The following ING5 variants were observed in gnomAD, a reference collection of about 807,000 sequenced individuals.
ING5 encodes the protein inhibitor of growth family member 5.
ING5 carries 17 observed loss-of-function variants against 37.4 expected under a neutral mutation model. That is an observed-to-expected ratio of 0.45 (90% CI 0.31 to 0.68). The LOEUF (loss-of-function observed/expected upper bound fraction) is 0.68, where lower values mean the gene tolerates loss of function less well. ING5 is among the 30% of genes least tolerant of loss of function. The probability of loss-of-function intolerance (pLI) is 0.05; values close to 1 mark genes in which losing one functional copy is unlikely to be tolerated. For synonymous variants in ING5, 123 were observed against 116.6 expected, an observed-to-expected ratio of 1.06 and a Z score of -0.36; for missense variants, 233 against 311.9, an observed-to-expected ratio of 0.75 and a Z score of 1.91.
At chr2:241,699,863 G>A (rs913556463), upstream of ING5, among the ~76,000 whole-genome samples, 35 of 152,304 alleles carry the variant, frequency 2.3e-4, no homozygotes, top group African/African-American at 7.9e-4. Context: ...GCTTGGGGGC[G>A]TCCAGTGGTG....
chr2:241,725,066 A>T lies in ING5; in HGVS notation c.*35A>T. 2 of 1,605,812 alleles carry T rather than the reference A, an allele frequency of 1.2e-6. No homozygotes were observed. Among genetic ancestry groups the T allele is most frequent in the South Asian group, 1.1e-5 (1 of 90,920 alleles). On this transcript the variant is annotated 3_prime_UTR_variant, in exon 8 of 8. Transcript: ENST00000313552. ...TGTGCCCGGATCCGAGGAGCAAGTT[A>T]ATCTGTCCCTTCATTCGTGTCGCAA... is the stretch of plus-strand genomic sequence containing the variant.
In ING5 at chr2:241,729,353, T is replaced by C. The variant is rs897269659; in HGVS notation, c.*4322T>C. On this transcript the variant is annotated 3_prime_UTR_variant, in exon 8 of 8. Coordinates refer to ENST00000313552, the MANE Select transcript of ING5 (RefSeq NM_032329.6). ...CAAGGAATTATTATCTATGTTCCCT[T>C]TGTAAAGGAAAGATAATGTTGTAAA... The C allele has an allele frequency of 1.3e-5, 2 of 152,664 alleles. No individual in the cohort carries two copies. The highest frequency in any genetic ancestry group is 4.8e-5 in the African/African-American group (2 of 41,458). The allele number at this position is 152,664 out of a possible 1,614,324, so 9.5% of individuals were successfully genotyped here. A position where few individuals can be genotyped will look rare whatever the true frequency, so the allele number is the denominator to read the frequency against.
At chr2:241,721,235 G>T in intron 5 of ING5, 1 of 985,598 alleles carries the variant, frequency 1.0e-6, no homozygotes, top group Non-Finnish European at 1.2e-6. Flanking sequence ...AGGAGGCTGA[G>T]ACGTAGACCC....
intron 5 of ING5, chr2:241,721,944 A>C: frequency 1.0e-6 from 1 of 985,856 alleles, no homozygotes; most frequent in Non-Finnish European, 1.2e-6. Context: ...GTAGAAACCC[A>C]CGTGGGAGCT....
At chr2:241,702,857 C>T (rs1244530265) in intron 1 of ING5, among the ~76,000 whole-genome samples, 1 of 152,262 alleles carries the variant, frequency 6.6e-6, no homozygotes, top group African/African-American at 2.4e-5. Flanking sequence ...TGACGTCGGC[C>T]CGGGATGGGC....
At chr2:241,721,076 T>C in intron 5 of ING5, 1 of 985,632 alleles carries the variant, frequency 1.0e-6, no homozygotes, top group Non-Finnish European at 1.2e-6. Context: ...TGGACAGAAT[T>C]GGACTCGGCG....
intron 2 of ING5, among the ~76,000 whole-genome samples, chr2:241,708,174 G>A (rs993377211): frequency 2.0e-5 from 3 of 151,834 alleles, no homozygotes; most frequent in African/African-American, 7.3e-5. Context: ...GGGATCACAG[G>A]CGTGAGCCGC....
At chr2:241,715,847 A>C (rs1441675094) in intron 5 of ING5, among the ~76,000 whole-genome samples, 1 of 150,902 alleles carries the variant, frequency 6.6e-6, no homozygotes, top group African/African-American at 2.4e-5. Flanking sequence ...TATGTGTCTC[A>C]ATTTCCAAAT....
At chr2:241,687,066 C>A, upstream of ING5, 1 of 401,172 alleles carries the variant, frequency 2.5e-6, no homozygotes, top group Non-Finnish European at 4.3e-6. Flanking sequence ...GCCCTTCGCT[C>A]CGGGAGGGGA....
At position 241,709,235 on chromosome 2, in the gene ING5, C is replaced by T. The variant is rs2070026052; in HGVS notation, c.129C>T (p.Asp43=). 4 of 1,611,880 alleles carry T rather than the reference C, an allele frequency of 2.5e-6. No homozygotes were observed. The highest frequency in any genetic ancestry group is 4.5e-5 in the East Asian group (2 of 44,828). The change falls in exon 3 of 8, where the codon GAC becomes GAT. Residue 43 remains aspartate, a synonymous_variant. Transcript: ENST00000313552. ...QRTEDKKAEI[D]ILAAEYISTV... is the part of the protein sequence containing the mutation. ...CATCAGATAAGAAAGCAGAGATTGACATCCTGGCTGCAGAGTACATCTCCA... is the reference window on the plus strand; with the variant it reads ...CATCAGATAAGAAAGCAGAGATTGATATCCTGGCTGCAGAGTACATCTCCA...
chr2:241,722,928 G>C lies in ING5; in HGVS notation c.483-11G>C. The C allele has an allele frequency of 1.2e-6, 2 of 1,613,562 alleles. No individual in the cohort carries two copies. Among genetic ancestry groups the C allele is most frequent in the Non-Finnish European group, 8.5e-7 (1 of 1,180,000 alleles). ...TGGCCTTCAGTGGTGCCTGTGCCCT[G>C]TCCCCTGCAGGTCTGAGTTCACTGA... On this transcript the variant is annotated splice_polypyrimidine_tract_variant and intron_variant, in intron 5 of 7. Coordinates refer to ENST00000313552, the MANE Select transcript of ING5 (RefSeq NM_032329.6).
chr2:241,721,814 C>G, intron 5 of ING5: 1 of 985,520 alleles, frequency 1.0e-6, no homozygotes. Context: ...CTAAGTGCAT[C>G]CCTTTCAAAC....
upstream of ING5, chr2:241,702,014 C>T (rs887207629): frequency 1.2e-4 from 153 of 1,312,226 alleles, no homozygotes; most frequent in Non-Finnish European, 1.4e-4. Flanking sequence ...CCGCCCCCGC[C>T]TCCCGCGGCA....
intron 1 of ING5, among the ~76,000 whole-genome samples, chr2:241,688,924 C>G (rs1165976452): frequency 1.3e-5 from 2 of 151,668 alleles, no homozygotes; most frequent in African/African-American, 4.8e-5. Flanking sequence ...TCAGCCTCCC[C>G]ACTAGCTGGG....
At position 241,702,070 on chromosome 2, in the gene ING5, C is replaced by T. The variant is rs914098587; in HGVS notation, c.5C>T (p.Ala2Val). The T allele has an allele frequency of 4.3e-6, 6 of 1,387,696 alleles. No homozygotes were observed. Among genetic ancestry groups the T allele is most frequent in the Admixed American group, 2.9e-5 (1 of 34,140 alleles). The allele number at this position is 1,387,696 out of a possible 1,614,324, so 86.0% of individuals were successfully genotyped here. A position where few individuals can be genotyped will look rare whatever the true frequency, so the allele number is the denominator to read the frequency against. ...CGAGCGCGGCCGCGGACGAAGATGGCGACCGCCATGTACTTGGAGCACTAT... is the reference window on the plus strand; with the variant it reads ...CGAGCGCGGCCGCGGACGAAGATGGTGACCGCCATGTACTTGGAGCACTAT... Reference protein sequence around the residue: MATAMYLEHYLD... With the variant: MVTAMYLEHYLD... Residue 2 changes from alanine (A) to valine (V), a missense_variant, in exon 1 of 8, where the codon GCG (alanine) becomes GTG (valine). Ala to Val is a moderately conservative substitution (Grantham distance 64). Transcript: ENST00000313552.
At chr2:241,709,921 T>TTTTATTTTATTTA (rs961511465) in intron 3 of ING5, among the ~76,000 whole-genome samples, 2 of 151,910 alleles carry the variant, frequency 1.3e-5, no homozygotes, top group Admixed American at 1.3e-4. Context: ...GGTGGCCATA[T>TTTTATTTTATTTA]TTTATTTTAT....
Position 241,725,042 on chromosome 2 carries a change from G to T in ING5, c.*11G>T. 6.2e-7 allele frequency: 1 copy of T among 1,613,922 alleles called. No individual in the cohort carries two copies. Among genetic ancestry groups the T allele is most frequent in the South Asian group, 1.1e-5 (1 of 91,084 alleles). ...AGGAAGAAGAAGTAGGAGGAGCTGTGTGCCCGGATCCGAGGAGCAAGTTAA... is the reference window on the plus strand; with the variant it reads ...AGGAAGAAGAAGTAGGAGGAGCTGTTTGCCCGGATCCGAGGAGCAAGTTAA... On this transcript the variant is annotated 3_prime_UTR_variant, in exon 8 of 8. Transcript: ENST00000313552.
At chr2:241,724,816 G>T (rs1304927272) in intron 7 of ING5, 173 bp from the exon 8 acceptor site, 1 of 624,714 alleles carries the variant, frequency 1.6e-6, no homozygotes, top group Non-Finnish European at 2.8e-6. Context: ...AGAGCCGCAC[G>T]TGCATCGGCG....
At chr2:241,708,246 C>A (rs1347069113) in intron 2 of ING5, among the ~76,000 whole-genome samples, 1 of 147,854 alleles carries the variant, frequency 6.8e-6, no homozygotes, top group Non-Finnish European at 1.5e-5. Context: ...CTCACTCTTT[C>A]GCCCAGGCCG....
Sources: gnomAD v4.1 joint callset for allele counts (sites outside exome capture counted in the v4.1 genomes callset) on GRCh38, gnomAD v4.1.1 for gene constraint, MANE v1.5 for transcripts, NCBI Gene and HGNC (gene_info 2026-07-23, HGNC 2026-07-21) for gene names.